Variants in INPP5D observed in about 807,000 individuals in gnomAD.
INPP5D encodes the protein inositol polyphosphate-5-phosphatase D, also known as phosphatidylinositol 3,4,5-trisphosphate 5-phosphatase 1.
A neutral mutation model predicts 122.9 loss-of-function variants in INPP5D; 33 were observed. That is an observed-to-expected ratio of 0.27 (90% CI 0.20 to 0.36). The LOEUF is 0.36. INPP5D is among the 10% of genes least tolerant of loss of function. INPP5D has a pLI of 1.00. For missense variants in INPP5D, 1,053 were observed against 1,412.7 expected, an observed-to-expected ratio of 0.75 and a Z score of 4.08; for synonymous variants, 584 against 576.2, an observed-to-expected ratio of 1.01 and a Z score of -0.19.
At chr2:233,149,553 G>A (rs753501850) in intron 9 of INPP5D, among the ~76,000 whole-genome samples, 10 of 152,074 alleles carry the variant, frequency 6.6e-5, no homozygotes, top group Non-Finnish European at 1.5e-4. Flanking sequence ...CTCATATGAG[G>A]CTCTATAACC....
rs1691718711 is a variant in INPP5D, at chr2:233,082,556, T to G, written c.198+3158T>G. Among the ~76,000 whole-genome samples, 1 of 152,222 alleles carries G rather than the reference T, an allele frequency of 6.6e-6. No individual in the cohort carries two copies. The highest frequency in any genetic ancestry group is 6.5e-5 in the Admixed American group (1 of 15,290). ...TCATTGTTTCTTAGTTTAGTAACTTTAGCTCTTTTCCTGGGGACTTCTGTT... is the reference window on the plus strand; with the variant it reads ...TCATTGTTTCTTAGTTTAGTAACTTGAGCTCTTTTCCTGGGGACTTCTGTT... On this transcript the variant is annotated intron_variant, in intron 2 of 26. Transcript: ENST00000445964. The surrounding 1 kb of genome is among the most constrained non-coding windows in gnomAD (Gnocchi z 4.7).
chr2:233,098,320 C>G (rs1167609096), intron 2 of INPP5D, among the ~76,000 whole-genome samples: 1 of 152,132 alleles, frequency 6.6e-6, no homozygotes, highest in Admixed American at 6.5e-5. Flanking sequence ...ATGGGACCAG[C>G]ACCGTGGATA....
intron 2 of INPP5D, among the ~76,000 whole-genome samples, chr2:233,116,256 T>TAGATAGATAGATAG (rs1349467023): frequency 1.3e-3 from 159 of 121,976 alleles, no homozygotes; most frequent in Non-Finnish European, 2.3e-3. Flanking sequence ...TAGATAGATA[T>TAGATAGATAGATAG]AGATATAGAT....
At chr2:233,080,465 G>C (rs1020760188) in intron 2 of INPP5D, among the ~76,000 whole-genome samples, 1 of 148,620 alleles carries the variant, frequency 6.7e-6, no homozygotes, top group African/African-American at 2.4e-5. Context: ...GCACGTGACA[G>C]AGAGAGAGAG....
At position 233,160,679 on chromosome 2, in the gene INPP5D, G is replaced by A. The variant is rs1237840667; in HGVS notation, c.1138-1045G>A. Among the ~76,000 whole-genome samples, 1 of 151,876 alleles carries A rather than the reference G, an allele frequency of 6.6e-6. No individual in the cohort carries two copies. Among genetic ancestry groups the A allele is most frequent in the Non-Finnish European group, 1.5e-5 (1 of 67,994 alleles). ...GACAGGGTCTTGTTCAGTTGCCCCGGCTGAAGTGCAGTGGCAAGATCATGG... is the reference window on the plus strand; with the variant it reads ...GACAGGGTCTTGTTCAGTTGCCCCGACTGAAGTGCAGTGGCAAGATCATGG... On this transcript the variant is annotated intron_variant, in intron 10 of 26. Coordinates refer to ENST00000445964, the MANE Select transcript of INPP5D (RefSeq NM_001017915.3). This position sits in a 1 kb window ranked among gnomAD's most constrained non-coding sequence, Gnocchi z 4.2.
chr2:233,182,895 C>T (rs548082837), intron 19 of INPP5D, among the ~76,000 whole-genome samples: 128 of 152,218 alleles, frequency 8.4e-4, no homozygotes, highest in Non-Finnish European at 1.3e-3. Flanking sequence ...AAGGCAAGCA[C>T]CATTACTTTT....
rs149284075 is a variant in INPP5D at position 233,128,623 on chromosome 2, G to A, written c.525-1885G>A. On this transcript the variant is annotated intron_variant, in intron 4 of 26. Transcript: ENST00000445964. This position sits in a 1 kb window ranked among gnomAD's most constrained non-coding sequence, Gnocchi z 4.5. ...CTCCTGAGTAGCTGGGACTACAAAC[G>A]CACGCCACCACGCCCAGCTAATTTT... Among the ~76,000 whole-genome samples, 4,108 of 151,994 alleles carry A rather than the reference G, an allele frequency of 0.027. 127 individuals are homozygous for A. Among genetic ancestry groups the A allele is most frequent in the East Asian group, 0.18 (917 of 5,128 alleles).
At chr2:233,156,113 C>T (rs138923135) in intron 9 of INPP5D, among the ~76,000 whole-genome samples, 25,564 of 152,202 alleles carry the variant, frequency 0.17, 3,887 homozygotes, top group African/African-American at 0.4. Flanking sequence ...AGCCTGAGAC[C>T]TGAGTGTCAG....
At chr2:233,125,611 G>A in intron 3 of INPP5D, 134 bp from the exon 4 acceptor site, 1 of 772,212 alleles carries the variant, frequency 1.3e-6, no homozygotes. Flanking sequence ...CCAGGAGGGA[G>A]TCAGCGAGGG....
In INPP5D at chr2:233,206,898, G is replaced by A. The variant is rs1695520706; in HGVS notation, c.*190G>A. The stretch of plus-strand genomic sequence containing the variant: ...CCTGTGAGACTTAGCACCAAGTGCT[G>A]AGGCTGGAAGAAAAACGCACACCAG... On this transcript the variant is annotated 3_prime_UTR_variant, in exon 27 of 27. Transcript: ENST00000445964. The surrounding 1 kb of genome is among the most constrained non-coding windows in gnomAD (Gnocchi z 4.0). The A allele has an allele frequency of 5.2e-6, 3 of 577,344 alleles. No homozygotes were observed. Among genetic ancestry groups the A allele is most frequent in the African/African-American group, 1.9e-5 (1 of 52,728 alleles). The allele number at this position is 577,344 out of a possible 1,614,324, so 35.8% of individuals were successfully genotyped here.
Position 233,170,139 on chromosome 2 carries a change from A to C in INPP5D, c.1766A>C (p.Asn589Thr). The change falls in exon 15 of 27, where the codon AAC (asparagine) becomes ACC (threonine). Residue 589 changes from asparagine to threonine, a missense_variant. Physicochemically the swap from Asn to Thr is moderately conservative, Grantham distance 65. Around this residue, in one of 6 missense-constraint regions of INPP5D, gnomAD observed 258 missense variants for 439.1 expected, o/e 0.59. Transcript: ENST00000445964. This position sits in a 1 kb window ranked among gnomAD's most constrained non-coding sequence, Gnocchi z 4.5. ...FTHLFWFGDL[N>T]YRVDLPTWEA... ...CACCTCTTCTGGTTTGGGGATCTTA[A>C]CTACCGTGTGGATCTGCCTACCTGG... 1 of 1,613,974 alleles carries C rather than the reference A, an allele frequency of 6.2e-7. No homozygotes were observed. The highest frequency in any genetic ancestry group is 8.5e-7 in the Non-Finnish European group (1 of 1,179,882).
intron 22 of INPP5D, among the ~76,000 whole-genome samples, chr2:233,192,136 T>G (rs903392309): frequency 2.0e-5 from 3 of 152,190 alleles, no homozygotes; most frequent in African/African-American, 7.2e-5. Context: ...TTGAGGAGTG[T>G]GATGGCCCTA....
At position 233,188,167 on chromosome 2, in the gene INPP5D, C is replaced by G. The variant is rs1044918454; in HGVS notation, c.2359-1683C>G. Among the ~76,000 whole-genome samples, 5 of 152,056 alleles carry G rather than the reference C, an allele frequency of 3.3e-5. No individual in the cohort carries two copies. Among genetic ancestry groups the G allele is most frequent in the African/African-American group, 7.2e-5 (3 of 41,392 alleles). ...CTTTATCCGGTCGACTCCCTGTTGC[C>G]TAGTGAGGCAAGCAGCCTCATCTGC... On this transcript the variant is annotated intron_variant, in intron 21 of 26. Coordinates refer to ENST00000445964, the MANE Select transcript of INPP5D (RefSeq NM_001017915.3). This position sits in a 1 kb window ranked among gnomAD's most constrained non-coding sequence, Gnocchi z 4.7.
chr2:233,067,760 A>G (rs2106198241), intron 1 of INPP5D, among the ~76,000 whole-genome samples: 1 of 152,252 alleles, frequency 6.6e-6, no homozygotes, highest in East Asian at 1.9e-4. Context: ...TGTGGTTTTA[A>G]TTTGCATTTC....
intron 25 of INPP5D, among the ~76,000 whole-genome samples, chr2:233,199,453 T>C (rs1473322889): frequency 6.6e-6 from 1 of 150,908 alleles, no homozygotes; most frequent in Non-Finnish European, 1.5e-5. Context: ...GGAGAATCGC[T>C]TGAACCTAGG....
At chr2:233,084,680 A>G (rs1355196146) in intron 2 of INPP5D, among the ~76,000 whole-genome samples, 1 of 152,256 alleles carries the variant, frequency 6.6e-6, no homozygotes, top group East Asian at 1.9e-4. Context: ...CTGAGTGGTC[A>G]CTGAGTGAAG....
At position 233,202,591 on chromosome 2, in the gene INPP5D, A is replaced by G. The variant is rs527253877; in HGVS notation, c.2976-1535A>G. ...GTTGAGTGCCTGTGAGCAGCTTCTC[A>G]GTGCACATCCCATCAGTAACAGGCG... On this transcript the variant is annotated intron_variant, in intron 25 of 26. Transcript: ENST00000445964. Among the ~76,000 whole-genome samples, 13 of 152,178 alleles carry G rather than the reference A, an allele frequency of 8.5e-5. No homozygotes were observed. In the East Asian group the frequency reaches 2.5e-3, roughly 29 times the overall value.
At chr2:233,134,884 A>G (rs1186392686) in intron 5 of INPP5D, among the ~76,000 whole-genome samples, 3 of 152,232 alleles carry the variant, frequency 2.0e-5, no homozygotes, top group African/African-American at 7.2e-5. Flanking sequence ...TAGTTTTCCA[A>G]TCAAATTTCA....
At chr2:233,063,529 A>G (rs558664809) in intron 1 of INPP5D, among the ~76,000 whole-genome samples, 161 of 152,380 alleles carry the variant, frequency 1.1e-3, no homozygotes, top group Middle Eastern at 3.4e-3. Context: ...GTTGGACATC[A>G]AAAGACAGGG....
Sources: allele counts gnomAD v4.1 joint callset (sites outside exome capture counted in the v4.1 genomes callset), GRCh38; gene constraint gnomAD v4.1.1; regional missense constraint gnomAD v4.1.1; non-coding constraint Gnocchi (gnomAD v3.1); transcripts MANE v1.5; gene names NCBI Gene and HGNC (gene_info 2026-07-23, HGNC 2026-07-21).